The following STK3 variants were observed in gnomAD, a reference collection of about 807,000 sequenced individuals.
STK3 encodes serine/threonine-protein kinase 3.
In STK3, 41 loss-of-function variants were observed where a neutral mutation model predicts 58.0. The ratio of observed to expected loss-of-function variants is 0.71; its 90% confidence interval spans 0.55 to 0.92. The LOEUF (loss-of-function observed/expected upper bound fraction) is 0.92. Among genes scored for constraint, STK3 ranks in the 40% least tolerant of loss-of-function variants. The probability of loss-of-function intolerance (pLI) is 0.00; values close to 1 mark genes in which losing one functional copy is unlikely to be tolerated. For synonymous variants in STK3, 170 were observed against 191.0 expected (o/e 0.89, Z 0.91); for missense variants, 479 against 602.7 (o/e 0.79, Z 2.15).
intron 1 of STK3, chr8:98,782,566 C>A: frequency 6.5e-6 from 2 of 307,652 alleles, no homozygotes; most frequent in Middle Eastern, 1.1e-3. Flanking sequence ...ATGAAGAGCG[C>A]CTCCAGGCCA....
intron 1 of STK3, among the ~76,000 whole-genome samples, chr8:98,385,028 G>T (rs1289830940): frequency 1.3e-5 from 2 of 152,162 alleles, no homozygotes; most frequent in Non-Finnish European, 2.9e-5. Context: ...CTTCAAGGGA[G>T]GGTTGTTAAA....
chr8:98,672,656 A>C (rs940496254), intron 6 of STK3, among the ~76,000 whole-genome samples: 1 of 152,224 alleles, frequency 6.6e-6, no homozygotes, highest in African/African-American at 2.4e-5. Context: ...CAAAGGTTTC[A>C]AAGCAATTGC....
chr8:98,390,479 T>A (rs1199056224), upstream of STK3, among the ~76,000 whole-genome samples: 1 of 152,200 alleles, frequency 6.6e-6, no homozygotes, highest in Non-Finnish European at 1.5e-5. Context: ...TTTTAGCCAT[T>A]TGATTATGAA....
intron 4 of STK3, among the ~76,000 whole-genome samples, chr8:98,730,988 A>G (rs944165066): frequency 1.3e-5 from 2 of 152,196 alleles, no homozygotes; most frequent in African/African-American, 4.8e-5. Context: ...AGATTTCTCA[A>G]AAGTACAGAA....
chr8:98,515,413 T>C (rs1274504255), intron 10 of STK3, among the ~76,000 whole-genome samples: 1 of 152,110 alleles, frequency 6.6e-6, no homozygotes, highest in Non-Finnish European at 1.5e-5. Flanking sequence ...AAAAGCATTC[T>C]GTGTTGCTGG....
intron 6 of STK3, among the ~76,000 whole-genome samples, chr8:98,674,367 C>T (rs573173967): frequency 5.9e-5 from 9 of 151,950 alleles, no homozygotes; most frequent in Non-Finnish European, 1.2e-4. Context: ...ATGAAATGTT[C>T]AATTTGTGAT....
intron 1 of STK3, among the ~76,000 whole-genome samples, chr8:98,930,222 G>C (rs1026606519): frequency 3.3e-5 from 5 of 152,110 alleles, no homozygotes; most frequent in African/African-American, 7.2e-5. Context: ...AGGCGGTTGT[G>C]GGGGGAATGG....
At chr8:98,575,220 G>A (rs1365414232) in intron 8 of STK3, among the ~76,000 whole-genome samples, 2 of 152,122 alleles carry the variant, frequency 1.3e-5, no homozygotes, top group Non-Finnish European at 2.9e-5. Context: ...TGTAAATAAG[G>A]TGCGGCCAGA....
chr8:98,799,702 T>C (rs1437769665), intron 1 of STK3, among the ~76,000 whole-genome samples: 1 of 152,038 alleles, frequency 6.6e-6, no homozygotes, highest in East Asian at 1.9e-4. Context: ...CACAGAGCCA[T>C]ACAACTAATA....
the STK3 span, among the ~76,000 whole-genome samples, chr8:98,357,353 T>A: frequency 2.0e-5 from 3 of 152,176 alleles, no homozygotes; most frequent in Non-Finnish European, 4.4e-5. Context: ...GATTCTAATC[T>A]CAAAAGAGAT....
At chr8:98,870,498 G>A (rs1428611911) in intron 3 of STK3, among the ~76,000 whole-genome samples, 1 of 152,184 alleles carries the variant, frequency 6.6e-6, no homozygotes, top group Non-Finnish European at 1.5e-5. Context: ...ATCCTCTCCA[G>A]CACCTGTTGT....
intron 8 of STK3, among the ~76,000 whole-genome samples, chr8:98,549,948 A>T (rs772262182): frequency 1.4e-4 from 21 of 152,180 alleles, no homozygotes; most frequent in Non-Finnish European, 2.8e-4. Context: ...TTGAGGCTAC[A>T]GTGAGCTATG....
chr8:98,655,207 C>A (rs1397412744), intron 6 of STK3, among the ~76,000 whole-genome samples: 1 of 152,080 alleles, frequency 6.6e-6, no homozygotes, highest in Non-Finnish European at 1.5e-5. Flanking sequence ...TGATCTTTGA[C>A]AAACCTGACA....
At chr8:98,663,918 C>A (rs1315034923) in intron 6 of STK3, among the ~76,000 whole-genome samples, 1 of 152,088 alleles carries the variant, frequency 6.6e-6, no homozygotes, top group Admixed American at 6.5e-5. Context: ...TAAAATACAG[C>A]AAAAATAGTA....
At chr8:98,362,544 A>G in the STK3 span, among the ~76,000 whole-genome samples, 1 of 152,178 alleles carries the variant, frequency 6.6e-6, no homozygotes, top group Non-Finnish European at 1.5e-5. Context: ...GTGGGGGGAC[A>G]CTTTTCCCTG....
chr8:98,604,498 C>A (rs1816616279), intron 6 of STK3, among the ~76,000 whole-genome samples: 1 of 152,174 alleles, frequency 6.6e-6, no homozygotes, highest in Admixed American at 6.5e-5. Context: ...TCTCACAGCT[C>A]CACCAGGCAG....
At chr8:98,738,744 C>A (rs1331403876) in intron 4 of STK3, among the ~76,000 whole-genome samples, 1 of 152,198 alleles carries the variant, frequency 6.6e-6, no homozygotes, top group African/African-American at 2.4e-5. Context: ...GGGCGCAGGA[C>A]AGTGGGTGCA....
intron 6 of STK3, among the ~76,000 whole-genome samples, chr8:98,620,802 A>C (rs1238703286): frequency 1.1e-4 from 17 of 152,278 alleles, no homozygotes. Flanking sequence ...AAATGACAAA[A>C]AAGACAAAAA....
intron 6 of STK3, among the ~76,000 whole-genome samples, chr8:98,620,923 TGA>T (rs1491469117): frequency 6.7e-6 from 1 of 150,238 alleles, no homozygotes; most frequent in Non-Finnish European, 1.5e-5. Flanking sequence ...GAAAAACAAC[TGA>T]TTTTTTTTTT....
Sources: gnomAD v4.1 joint callset for allele counts (sites outside exome capture counted in the v4.1 genomes callset) on GRCh38, gnomAD v4.1.1 for gene constraint, MANE v1.5 for transcripts, NCBI Gene and HGNC (gene_info 2026-07-23, HGNC 2026-07-21) for gene names.